Variants in THADA observed in about 807,000 individuals in gnomAD.
The protein encoded by THADA is tRNA (32-2'-O)-methyltransferase regulator THADA.
In THADA, 213 loss-of-function variants were observed where a neutral mutation model predicts 219.8. That is an observed-to-expected ratio of 0.97 (90% CI 0.87 to 1.09). THADA has a LOEUF of 1.09. Ranked by LOEUF, THADA falls within the 50% of genes least tolerant of loss-of-function variation. THADA has a pLI of 0.00. For synonymous variants in THADA, 1,018 were observed against 828.9 expected, an observed-to-expected ratio of 1.23 and a Z score of -3.92; for missense variants, 2,956 against 2,311.3, an observed-to-expected ratio of 1.28 and a Z score of -5.72.
intron 16 of THADA, among the ~76,000 whole-genome samples, chr2:43,559,193 T>G (rs546000227): frequency 6.6e-6 from 1 of 152,254 alleles, no homozygotes; most frequent in Non-Finnish European, 1.5e-5. Flanking sequence ...GTAACAAAAG[T>G]TAGCAGCCTG....
At chr2:43,555,024 T>G (rs1466137985) in intron 17 of THADA, among the ~76,000 whole-genome samples, 1 of 152,178 alleles carries the variant, frequency 6.6e-6, no homozygotes, top group Non-Finnish European at 1.5e-5. Flanking sequence ...CCATTTCAGG[T>G]GTTGGATTAC....
At chr2:43,277,008 C>T (rs1417729772) in intron 36 of THADA, among the ~76,000 whole-genome samples, 1 of 152,188 alleles carries the variant, frequency 6.6e-6, no homozygotes, top group African/African-American at 2.4e-5. Context: ...CAGTCCTCTC[C>T]TCTCCATCCC....
intron 22 of THADA, among the ~76,000 whole-genome samples, chr2:43,523,241 C>T (rs959751085): frequency 1.3e-5 from 2 of 151,836 alleles, no homozygotes; most frequent in African/African-American, 4.8e-5. Context: ...GGCAGACACC[C>T]GTAAGTCCTA....
rs770161216 is a variant in THADA, at chr2:43,293,016, A to T, written c.4636T>A (p.Ser1546Thr). ...GGGAAGGCAGATTCTAACAGCTGAG[A>T]GAAAGAGATGGGGACATTCGTCTCC... ...ERETNVPISF[S>T]QLLESAFPEV... Residue 1546 changes from serine (S) to threonine (T), a missense_variant, in exon 32 of 38, where the codon TCT becomes ACT. Coordinates refer to ENST00000405975, the MANE Select transcript of THADA (RefSeq NM_022065.5). 4 of 1,613,876 alleles carry T rather than the reference A, an allele frequency of 2.5e-6. No individual in the cohort carries two copies. The highest frequency in any genetic ancestry group is 3.4e-6 in the Non-Finnish European group (4 of 1,179,898).
intron 9 of THADA, among the ~76,000 whole-genome samples, chr2:43,577,879 A>G (rs779247883): frequency 1.5e-4 from 23 of 152,162 alleles, no homozygotes; most frequent in Middle Eastern, 3.2e-3. Context: ...ATTGATATGC[A>G]TAATTTTAAC....
intron 37 of THADA, among the ~76,000 whole-genome samples, chr2:43,231,712 A>T (rs1050599498): frequency 6.6e-6 from 1 of 152,120 alleles, no homozygotes; most frequent in Non-Finnish European, 1.5e-5. Context: ...AGGAGGGAGG[A>T]AAGGTCATCT....
intron 36 of THADA, among the ~76,000 whole-genome samples, chr2:43,271,056 C>A (rs1480653981): frequency 6.6e-6 from 1 of 152,154 alleles, no homozygotes; most frequent in Non-Finnish European, 1.5e-5. Flanking sequence ...CTCCCCTAGG[C>A]CTTCCAGATC....
At position 43,279,837 on chromosome 2, in the gene THADA, GCT is replaced by G. The variant is rs1391856460; in HGVS notation, c.5222_5223del (p.Glu1741AlafsTer4). Reference sequence around the variant, plus strand: ...TCCGTGGCTGCATCTCTAACAGCTTGCTCCTCACTCTGCAGAAGGGTAAGGAC... The same window carrying G: ...TCCGTGGCTGCATCTCTAACAGCTTGCCTCACTCTGCAGAAGGGTAAGGAC... ...KCVLTLLQSE[E>X]QAVRDAATET... On this transcript the variant is annotated frameshift_variant, in exon 36 of 38. Coordinates refer to ENST00000405975, the MANE Select transcript of THADA (RefSeq NM_022065.5). LOFTEE classifies it high-confidence loss of function. 1 of 1,565,444 alleles carries G rather than the reference GCT, an allele frequency of 6.4e-7. No individual in the cohort carries two copies. The highest frequency in any genetic ancestry group is 2.3e-5 in the East Asian group (1 of 43,046).
At chr2:43,476,123 AT>A (rs1340745761) in intron 26 of THADA, among the ~76,000 whole-genome samples, 1 of 152,176 alleles carries the variant, frequency 6.6e-6, no homozygotes, top group Non-Finnish European at 1.5e-5. Context: ...TAGTGGATCT[AT>A]TTCTATCACC....
At chr2:43,472,719 C>T (rs1176993349) in intron 26 of THADA, among the ~76,000 whole-genome samples, 1 of 152,152 alleles carries the variant, frequency 6.6e-6, no homozygotes, top group Non-Finnish European at 1.5e-5. Flanking sequence ...GTGTAAACAT[C>T]GTAGAGTATA....
Position 43,242,065 on chromosome 2 carries a change from G to A in THADA, c.5297-9183C>T, listed in dbSNP as rs550704590. 6.6e-5 allele frequency among the ~76,000 whole-genome samples: 10 copies of A among 152,296 alleles called. No homozygotes were observed. In the South Asian group the frequency reaches 1.4e-3, roughly 22 times the overall value. The stretch of plus-strand genomic sequence containing the variant: ...AGCCTGCCGGCCTGTCCCTCAGGAC[G>A]CAACGCAGATCCTGTGGTGTTTCTC... On this transcript the variant is annotated intron_variant, in intron 36 of 37. Transcript: ENST00000405975.
chr2:43,440,658 A>G (rs927998018), intron 26 of THADA, among the ~76,000 whole-genome samples: 9 of 152,218 alleles, frequency 5.9e-5, no homozygotes, highest in African/African-American at 2.2e-4. Flanking sequence ...TCATTATACA[A>G]ACAGAAAGGC....
Position 43,574,840 on chromosome 2 carries a change from G to A in THADA, c.1225C>T (p.His409Tyr), listed in dbSNP as rs775991524. Residue 409 changes from histidine to tyrosine, a missense_variant, in exon 11 of 38, where the codon CAC becomes TAC. Physicochemically the swap from His to Tyr is moderately conservative, Grantham distance 83. Coordinates refer to ENST00000405975, the MANE Select transcript of THADA (RefSeq NM_022065.5). ...HWEHPLDALR[H>Y]QTKIMFKNLL... is the part of the protein sequence containing the mutation. ...TTTTTGAACATGATTTTGGTTTGGT[G>A]TCTCAGAGCATCCAATGGATGTTCC... 4 of 1,613,988 alleles carry A rather than the reference G, an allele frequency of 2.5e-6. No homozygotes were observed. The highest frequency in any genetic ancestry group is 3.4e-6 in the Non-Finnish European group (4 of 1,179,896).
chr2:43,325,038 C>A (rs1035625411), intron 30 of THADA, among the ~76,000 whole-genome samples: 1 of 152,154 alleles, frequency 6.6e-6, no homozygotes, highest in Non-Finnish European at 1.5e-5. Flanking sequence ...TGTTTTCTTC[C>A]ACTCTTTTTT....
At chr2:43,401,800 T>C (rs974570520) in intron 28 of THADA, among the ~76,000 whole-genome samples, 1 of 152,192 alleles carries the variant, frequency 6.6e-6, no homozygotes, top group Non-Finnish European at 1.5e-5. Context: ...CGGCAGACTG[T>C]GATCCAGAGC....
chr2:43,334,358 G>A (rs1448426803), intron 30 of THADA, among the ~76,000 whole-genome samples: 1 of 152,062 alleles, frequency 6.6e-6, no homozygotes, highest in African/African-American at 2.4e-5. Context: ...ACAGGGAAGT[G>A]GATAGATTAT....
At chr2:43,468,531 G>T (rs1026253645) in intron 26 of THADA, among the ~76,000 whole-genome samples, 4 of 152,088 alleles carry the variant, frequency 2.6e-5, no homozygotes, top group Non-Finnish European at 5.9e-5. Flanking sequence ...TGAAAATGAG[G>T]TCCTCCTCAC....
chr2:43,539,039 G>A (rs1014266466), intron 21 of THADA, among the ~76,000 whole-genome samples: 3 of 152,206 alleles, frequency 2.0e-5, no homozygotes, highest in South Asian at 2.1e-4. Flanking sequence ...ATTTTAGACT[G>A]TATGGAATGG....
chr2:43,310,234 C>CA (rs1012939790), intron 31 of THADA, among the ~76,000 whole-genome samples: 3 of 129,168 alleles, frequency 2.3e-5, no homozygotes, highest in Admixed American at 8.0e-5. Context: ...CCGCCCCCCC[C>CA]CCAAACAAGC....
Sources: allele counts gnomAD v4.1 joint callset (sites outside exome capture counted in the v4.1 genomes callset), GRCh38; gene constraint gnomAD v4.1.1; transcripts MANE v1.5; gene names NCBI Gene and HGNC (gene_info 2026-07-23, HGNC 2026-07-21).